MEIOB: variants seen among roughly 807,000 people sequenced by gnomAD.
MEIOB encodes meiosis specific with OB-fold, also known as meiosis-specific with OB domain-containing protein.
A neutral mutation model predicts 53.1 loss-of-function variants in MEIOB; 50 were observed. The ratio of observed to expected loss-of-function variants is 0.94; its 90% CI spans 0.75 to 1.19. The LOEUF (loss-of-function observed/expected upper bound fraction) is 1.19. Ranked by LOEUF, MEIOB falls within the 50% of genes most tolerant of loss-of-function variation. The probability of loss-of-function intolerance (pLI) is 0.00; values close to 1 mark genes in which losing one functional copy is unlikely to be tolerated. For missense variants in MEIOB, 551 were observed against 550.8 expected (o/e 1.00, Z 0.00); for synonymous variants, 192 against 182.5 (o/e 1.05, Z -0.42).
chr16:1,842,720 G>A (rs1266170427), intron 10 of MEIOB, among the ~76,000 whole-genome samples: 3 of 150,582 alleles, frequency 2.0e-5, no homozygotes, highest in Admixed American at 6.6e-5. Context: ...CGGTAGTGCA[G>A]TGGCGCGATC....
At chr16:1,842,354 C>G (rs1238093301) in intron 10 of MEIOB, among the ~76,000 whole-genome samples, 5 of 151,378 alleles carry the variant, frequency 3.3e-5, no homozygotes, top group Non-Finnish European at 5.9e-5. Context: ...GTGGCTCATG[C>G]CTGTAATCCC....
intron 11 of MEIOB, among the ~76,000 whole-genome samples, chr16:1,840,828 G>A (rs1478210147): frequency 6.6e-6 from 1 of 152,062 alleles, no homozygotes. Context: ...GGGATTACAG[G>A]CGTGAGCCAC....
At chr16:1,846,762 G>T (rs1899035994) in intron 9 of MEIOB, among the ~76,000 whole-genome samples, 1 of 152,116 alleles carries the variant, frequency 6.6e-6, no homozygotes, top group South Asian at 2.1e-4. Flanking sequence ...AGATAACATG[G>T]ACACAGGGAG....
chr16:1,854,377 G>A (rs1001192388), intron 6 of MEIOB, among the ~76,000 whole-genome samples, 177 bp from the exon 7 acceptor site: 1 of 152,328 alleles, frequency 6.6e-6, no homozygotes, highest in African/African-American at 2.4e-5. Flanking sequence ...CTACATGTAC[G>A]TAGCTGAAGT....
At chr16:1,844,828 A>T (rs762369344) in intron 10 of MEIOB, 34 bp downstream of exon 10, 1 of 1,248,900 alleles carries the variant, frequency 8.0e-7, no homozygotes, top group Non-Finnish European at 1.2e-6. Context: ...TTCGGCCTTT[A>T]AAAAAATCCA....
intron 13 of MEIOB, among the ~76,000 whole-genome samples, chr16:1,835,846 CT>C (rs1898730944): frequency 6.8e-6 from 1 of 147,276 alleles, no homozygotes; most frequent in African/African-American, 2.5e-5. Context: ...TGTATCTATT[CT>C]TCCAATTCCT....
intron 11 of MEIOB, among the ~76,000 whole-genome samples, chr16:1,840,614 T>G (rs929524026): frequency 6.6e-6 from 1 of 151,526 alleles, no homozygotes. Flanking sequence ...AGTGGCGCAA[T>G]CTCGGCTCGC....
At position 1,857,741 on chromosome 16, in the gene MEIOB, C is replaced by G. The variant is rs2150819794; in HGVS notation, c.522G>C (p.Val174=). Residue 174 remains valine (V), a synonymous_variant, in exon 6 of 14, where the codon GTG becomes GTC. Transcript: ENST00000325962. The part of the protein sequence containing the change: ...NGRIINVLAA[V]KSVGEPKYFT... ...TGTCGGGGTTTTAACTTACCGATTT[C>G]ACAGCTGCAAGCACGTTAATAATCC... 6.4e-7 allele frequency: 1 copy of G among 1,550,968 alleles called. No homozygotes were observed. Among genetic ancestry groups the G allele is most frequent in the East Asian group, 2.4e-5 (1 of 40,882 alleles).
chr16:1,866,335 T>C (rs9928722), intron 2 of MEIOB, among the ~76,000 whole-genome samples: 19,345 of 152,270 alleles, frequency 0.13, 1,256 homozygotes, highest in East Asian at 0.16. Flanking sequence ...TCTAAAGTCC[T>C]AGATCTTAAA....
intron 13 of MEIOB, among the ~76,000 whole-genome samples, chr16:1,835,833 C>G (rs1898730577): frequency 6.6e-6 from 1 of 151,504 alleles, no homozygotes; most frequent in Non-Finnish European, 1.5e-5. Flanking sequence ...CATTGCCTGC[C>G]TATGTATCTA....
chr16:1,851,368 C>T (rs1194934318), intron 9 of MEIOB, among the ~76,000 whole-genome samples: 1 of 152,224 alleles, frequency 6.6e-6, no homozygotes, highest in Non-Finnish European at 1.5e-5. Context: ...TGCCCGACCA[C>T]CTTGTGGCTC....
chr16:1,862,109 T>A lies in MEIOB; in HGVS notation c.135A>T (p.Gly45=). Residue 45 remains glycine, a synonymous_variant, in exon 4 of 14, where the codon GGA becomes GGT. Transcript: ENST00000325962. ...VKGFPDRKNI[G]SERYTFSFTI... ...TGAAGCTGAAAGTGTACCTTTCTGA[T>A]CCAATATCTAAGGGAAAACCAATGC... 6.4e-7 allele frequency: 1 copy of A among 1,550,524 alleles called. No individual in the cohort carries two copies. Among genetic ancestry groups the A allele is most frequent in the Non-Finnish European group, 8.7e-7 (1 of 1,146,394 alleles).
At chr16:1,871,413 G>A (rs1899742007) in intron 1 of MEIOB, among the ~76,000 whole-genome samples, 1 of 115,090 alleles carries the variant, frequency 8.7e-6, no homozygotes, top group African/African-American at 3.3e-5. Flanking sequence ...TAGAGACGGG[G>A]TTTCACCGTG....
At chr16:1,863,284 C>T (rs1899496984) in intron 3 of MEIOB, among the ~76,000 whole-genome samples, 1 of 151,948 alleles carries the variant, frequency 6.6e-6, no homozygotes, top group African/African-American at 2.4e-5. Flanking sequence ...CCCTGCCTCC[C>T]AGCAGCTGGG....
chr16:1,853,242 T>C lies in MEIOB; in HGVS notation c.659A>G (p.Gln220Arg). The C allele has an allele frequency of 6.4e-7, 1 of 1,551,648 alleles. No individual in the cohort carries two copies. The highest frequency in any genetic ancestry group is 1.2e-5 in the South Asian group (1 of 84,228). ...ACCTGTTTCTCGTGGCATCCAGCTC[T>C]GTGCAAGTAGAATGGATTCATTATC... ...CWDNESILLAQSWMPRETVIF... is the reference protein window; with the variant it reads ...CWDNESILLARSWMPRETVIF... Residue 220 changes from glutamine to arginine, a missense_variant, in exon 8 of 14, where the codon CAG becomes CGG. Physicochemically the swap from Gln to Arg is conservative, Grantham distance 43 (BLOSUM62 1). Transcript: ENST00000325962.
intron 9 of MEIOB, among the ~76,000 whole-genome samples, chr16:1,852,521 A>G (rs1742420): frequency 0.83 from 124,985 of 151,088 alleles, 51,812 homozygotes; most frequent in Middle Eastern, 0.9. Context: ...TTGGCCTCCC[A>G]AAGTGCTGGA....
chr16:1,869,373 C>A (rs1015106063), intron 1 of MEIOB, among the ~76,000 whole-genome samples: 1 of 152,096 alleles, frequency 6.6e-6, no homozygotes, highest in Non-Finnish European at 1.5e-5. Context: ...GATCCGGCCG[C>A]CCCCAAAGTG....
intron 10 of MEIOB, 81 bp downstream of exon 10, chr16:1,844,781 T>C: frequency 1.5e-6 from 1 of 659,224 alleles, no homozygotes. Flanking sequence ...GAATCTGGTA[T>C]CTTTTACCAT....
intron 6 of MEIOB, among the ~76,000 whole-genome samples, chr16:1,856,976 G>A (rs910706827): frequency 6.6e-6 from 1 of 151,700 alleles, no homozygotes; most frequent in Admixed American, 6.6e-5. Context: ...GTTGCCCCAG[G>A]CTGGTCTTGA....
Sources: allele counts gnomAD v4.1 joint callset (sites outside exome capture counted in the v4.1 genomes callset), GRCh38; gene constraint gnomAD v4.1.1; transcripts MANE v1.5; gene names NCBI Gene and HGNC (gene_info 2026-07-23, HGNC 2026-07-21).